CDH4: variants seen among roughly 807,000 people sequenced by gnomAD.
CDH4 encodes the protein cadherin 4, also known as cadherin-4.
In CDH4, 33 loss-of-function variants were observed where a neutral mutation model predicts 86.0. The observed-to-expected ratio is 0.38, with a 90% CI of 0.29 to 0.51. CDH4 has a LOEUF of 0.51. Ranked by LOEUF, CDH4 falls within the 20% of genes least tolerant of loss-of-function variation. The pLI is 0.86. For missense variants in CDH4, 1,114 were observed against 1,307.4 expected, an observed-to-expected ratio of 0.85 and a Z score of 2.28; for synonymous variants, 555 against 549.4, an observed-to-expected ratio of 1.01 and a Z score of -0.14.
chr20:61,396,253 C>T (rs1024376039), intron 2 of CDH4, among the ~76,000 whole-genome samples: 1 of 152,128 alleles, frequency 6.6e-6, no homozygotes, highest in Non-Finnish European at 1.5e-5. Flanking sequence ...AGGGCCACAT[C>T]CTGGTACCAT....
In CDH4 at chr20:61,478,707, C is replaced by T. The variant is rs114980082; in HGVS notation, c.169+223770C>T. Among the ~76,000 whole-genome samples the T allele has an allele frequency of 6.4e-3, 974 of 152,298 alleles. 11 individuals are homozygous for T. The highest frequency in any genetic ancestry group is 0.022 in the African/African-American group (913 of 41,560). ...TAGCAGACATAACAGCAAGAGATCA[C>T]GGTGACGTGAAAAATGCAGAAGACC... On this transcript the variant is annotated intron_variant, in intron 2 of 15. Transcript: ENST00000614565.
intron 8 of CDH4, among the ~76,000 whole-genome samples, chr20:61,910,008 C>T (rs1208796019): frequency 6.6e-6 from 1 of 152,278 alleles, no homozygotes; most frequent in Non-Finnish European, 1.5e-5. Flanking sequence ...ACGCCTGCTT[C>T]AGTGGGGCCC....
intron 2 of CDH4, among the ~76,000 whole-genome samples, chr20:61,312,571 C>T (rs1008756685): frequency 3.3e-5 from 5 of 152,122 alleles, no homozygotes; most frequent in Admixed American, 6.5e-5. Flanking sequence ...ATCAGGACTG[C>T]ACCCCCTTCT....
At chr20:61,645,059 C>T (rs1353342424) in intron 2 of CDH4, among the ~76,000 whole-genome samples, 1 of 152,358 alleles carries the variant, frequency 6.6e-6, no homozygotes, top group Middle Eastern at 3.4e-3. Flanking sequence ...AAAGGCCCCA[C>T]TCTATTGCCT....
Position 61,252,625 on chromosome 20 carries a change from G to C in CDH4, c.57+55G>C, listed in dbSNP as rs978403278. The C allele has an allele frequency of 3.1e-5, 34 of 1,088,666 alleles. No homozygotes were observed. Among genetic ancestry groups the C allele is most frequent in the Non-Finnish European group, 3.7e-5 (32 of 867,626 alleles). The allele number at this position is 1,088,666 out of a possible 1,614,324, so 67.4% of individuals were successfully genotyped here. On this transcript the variant is annotated intron_variant, in intron 1 of 15. Coordinates refer to ENST00000614565, the MANE Select transcript of CDH4 (RefSeq NM_001794.5). This position sits in a 1 kb window ranked among gnomAD's most constrained non-coding sequence, Gnocchi z 4.4. ...CGGAAGCCCCGGGCAGCGGGAGGTCGTCCCCGGATCCCGCGGGGCGCTCAC... is the reference window on the plus strand; with the variant it reads ...CGGAAGCCCCGGGCAGCGGGAGGTCCTCCCCGGATCCCGCGGGGCGCTCAC...
chr20:61,287,019 C>T (rs1337656868), intron 2 of CDH4, among the ~76,000 whole-genome samples: 1 of 152,204 alleles, frequency 6.6e-6, no homozygotes, highest in African/African-American at 2.4e-5. Context: ...GGACACGAAT[C>T]CCCCAGCTGT....
intron 2 of CDH4, among the ~76,000 whole-genome samples, chr20:61,677,891 T>A (rs2087462938): frequency 6.7e-6 from 1 of 148,590 alleles, no homozygotes; most frequent in Admixed American, 6.7e-5. Flanking sequence ...TGATGGATGA[T>A]GGATGATAAA....
intron 2 of CDH4, among the ~76,000 whole-genome samples, chr20:61,726,131 G>C (rs377073017): frequency 2.6e-5 from 4 of 152,102 alleles, no homozygotes; most frequent in African/African-American, 7.2e-5. Context: ...ATAGTCTCGG[G>C]GGGGACTGTG....
At chr20:61,498,398 T>C (rs2085677692) in intron 2 of CDH4, among the ~76,000 whole-genome samples, 1 of 152,240 alleles carries the variant, frequency 6.6e-6, no homozygotes, top group Non-Finnish European at 1.5e-5. Context: ...GTATTGATAG[T>C]GTAATCGATA....
intron 3 of CDH4, among the ~76,000 whole-genome samples, chr20:61,766,688 C>T (rs374850138): frequency 3.3e-5 from 5 of 152,270 alleles, no homozygotes; most frequent in African/African-American, 1.2e-4. Context: ...CCTGTGACGC[C>T]CCCACCCTGC....
intron 2 of CDH4, among the ~76,000 whole-genome samples, chr20:61,276,530 A>C (rs1456484565): frequency 6.6e-6 from 1 of 152,162 alleles, no homozygotes; most frequent in Admixed American, 6.5e-5. Flanking sequence ...ATCCCATGCT[A>C]TGTCGCTGCT....
chr20:61,290,906 A>G (rs1193853391), intron 2 of CDH4, among the ~76,000 whole-genome samples: 4 of 152,238 alleles, frequency 2.6e-5, no homozygotes, highest in African/African-American at 4.8e-5. Context: ...GGCTGGATCC[A>G]GGAGTCCAAA....
intron 2 of CDH4, among the ~76,000 whole-genome samples, chr20:61,383,473 ATATATATGATATATATGAAATATAT>A (rs1308003746): frequency 1.2e-5 from 1 of 82,470 alleles, no homozygotes; most frequent in Admixed American, 1.4e-4. Flanking sequence ...ATATATATGA[ATATATATGATATATATGAAATATAT>A]TATATATGAT....
At chr20:61,371,211 C>T (rs115240948) in intron 2 of CDH4, among the ~76,000 whole-genome samples, 1 of 152,250 alleles carries the variant, frequency 6.6e-6, no homozygotes, top group East Asian at 1.9e-4. Flanking sequence ...CTGTGCAGTG[C>T]TGGCGGTGAT....
At chr20:61,897,698 C>G (rs995945990) in intron 8 of CDH4, among the ~76,000 whole-genome samples, 4 of 152,216 alleles carry the variant, frequency 2.6e-5, no homozygotes, top group African/African-American at 9.6e-5. Context: ...AGAGAGGCGT[C>G]TCTGTGCTTT....
chr20:61,863,498 G>C (rs1983418107), intron 6 of CDH4, among the ~76,000 whole-genome samples: 1 of 152,222 alleles, frequency 6.6e-6, no homozygotes, highest in African/African-American at 2.4e-5. Context: ...TCGGCAGAGG[G>C]CACAGGTGAG....
chr20:61,409,257 A>T (rs543586096), intron 2 of CDH4, among the ~76,000 whole-genome samples: 1 of 152,268 alleles, frequency 6.6e-6, no homozygotes, highest in Non-Finnish European at 1.5e-5. Context: ...CCATCAAATA[A>T]ACCTCAAAGC....
chr20:61,609,513 A>G (rs148242778), intron 2 of CDH4, among the ~76,000 whole-genome samples: 227 of 152,320 alleles, frequency 1.5e-3, no homozygotes, highest in African/African-American at 5.2e-3. Flanking sequence ...ACAAATTCCA[A>G]AAGAAGTGCA....
chr20:61,859,109 G>A (rs1983203224), intron 6 of CDH4, among the ~76,000 whole-genome samples: 1 of 152,172 alleles, frequency 6.6e-6, no homozygotes, highest in African/African-American at 2.4e-5. Flanking sequence ...ATTCTAAGAG[G>A]TGCATGGTGG....
Sources: allele counts gnomAD v4.1 joint callset (sites outside exome capture counted in the v4.1 genomes callset), GRCh38; gene constraint gnomAD v4.1.1; non-coding constraint Gnocchi (gnomAD v3.1); transcripts MANE v1.5; gene names NCBI Gene and HGNC (gene_info 2026-07-23, HGNC 2026-07-21).